The following RBBP4 variants were observed in gnomAD, a reference collection of about 807,000 sequenced individuals.
RBBP4 encodes histone-binding protein RBBP4.
RBBP4 carries 3 observed loss-of-function variants against 57.2 expected under a neutral mutation model. That is an observed-to-expected ratio of 0.05 (90% CI 0.02 to 0.14). RBBP4 has a LOEUF of 0.14. Ranked by LOEUF, RBBP4 falls within the 10% of genes least tolerant of loss-of-function variation. The pLI, the probability that RBBP4 is intolerant of heterozygous loss-of-function variation, is 1.00. For missense variants in RBBP4, 107 were observed against 520.6 expected (o/e 0.21, Z 7.73); for synonymous variants, 151 against 171.5 (o/e 0.88, Z 0.93).
chr1:32,662,227 GTC>G (rs891296081), intron 3 of RBBP4: 5 of 340,888 alleles, frequency 1.5e-5, no homozygotes, highest in East Asian at 2.1e-4. Flanking sequence ...TTAACAAACA[GTC>G]TCTCTCTGTC....
chr1:32,677,298 G>A (rs1212437152), intron 11 of RBBP4, among the ~76,000 whole-genome samples: 2 of 151,950 alleles, frequency 1.3e-5, no homozygotes, highest in African/African-American at 2.4e-5. Context: ...GGGGTTGCAG[G>A]GCCAGAGATT....
chr1:32,683,988 C>G lies in RBBP4; in HGVS notation c.*4283C>G. 6.3e-7 allele frequency: 1 copy of G among 1,595,744 alleles called. No homozygotes were observed. Among genetic ancestry groups the G allele is most frequent in the East Asian group, 2.2e-5 (1 of 44,868 alleles). On this transcript the variant is annotated 3_prime_UTR_variant, in exon 12 of 12. Transcript: ENST00000373493. ...GAAAGCAGTAACAATGCAAACACCA[C>G]TCTTCTCTTCACAAAGATCACCTTG...
At position 32,681,542 on chromosome 1, in the gene RBBP4, C is replaced by T. The variant is rs360510; in HGVS notation, c.*1837C>T. 450,652 of 455,822 alleles carry T rather than the reference C, an allele frequency of 0.99. 222,972 individuals carry two copies. Among genetic ancestry groups the T allele is most frequent in the East Asian group, 1 (27,430 of 27,430 alleles). The allele number at this position is 455,822 out of a possible 1,614,324, so 28.2% of individuals were successfully genotyped here. A position where few individuals can be genotyped will look rare whatever the true frequency, so the allele number is the denominator to read the frequency against. ...CAGATGTGTCCATACATTCATCCTT[C>T]ACTCAGTGCATATGTGAGGGTTGTT... On this transcript the variant is annotated 3_prime_UTR_variant, in exon 12 of 12. Transcript: ENST00000373493.
At chr1:32,668,148 T>C (rs1648734004) in intron 3 of RBBP4, 77 bp from the exon 4 acceptor site, 2 of 1,364,994 alleles carry the variant, frequency 1.5e-6, no homozygotes, top group Admixed American at 2.6e-5. Context: ...AAAAAATCCT[T>C]TCCTGTGTTC....
intron 3 of RBBP4, among the ~76,000 whole-genome samples, chr1:32,666,059 G>A (rs1303670424): frequency 6.6e-6 from 1 of 152,176 alleles, no homozygotes; most frequent in East Asian, 1.9e-4. Context: ...TTTTCATCTA[G>A]TTGTTGCCTA....
Position 32,669,497 on chromosome 1 carries a change from G to A in RBBP4, c.900G>A (p.Leu300=), listed in dbSNP as rs754372389. The part of the protein sequence containing the change: ...ATGSADKTVA[L]WDLRNLKLKL... ...CTTTTTGTACATAGACTGTTGCCTT[G>A]TGGGATCTGAGAAATCTGAAACTTA... The change falls in exon 8 of 12, where the codon TTG becomes TTA. Residue 300 remains leucine (L), a synonymous_variant. Transcript: ENST00000373493. This position sits in a 1 kb window ranked among gnomAD's most constrained non-coding sequence, Gnocchi z 4.9. The A allele has an allele frequency of 6.2e-7, 1 of 1,606,510 alleles. No individual in the cohort carries two copies. Among genetic ancestry groups the A allele is most frequent in the South Asian group, 1.1e-5 (1 of 90,462 alleles).
rs1280697289 is a variant in RBBP4, at chr1:32,682,775, AAAAG to A, written c.*3075_*3078del. ...GGCAGAGCGAGACTGTCTCAAAAAA[AAAAG>A]AAAGTTGTGAATTTGATGTAAGCTT... On this transcript the variant is annotated 3_prime_UTR_variant, in exon 12 of 12. Coordinates refer to ENST00000373493, the MANE Select transcript of RBBP4 (RefSeq NM_005610.3). The A allele has an allele frequency of 1.1e-4, 17 of 152,200 alleles. No individual in the cohort carries two copies. Among genetic ancestry groups the A allele is most frequent in the East Asian group, 3.9e-4 (2 of 5,186 alleles). 9.4% of individuals were successfully genotyped at this position (152,200 alleles called of 1,614,324 possible). A position where few individuals can be genotyped will look rare whatever the true frequency, so the allele number is the denominator to read the frequency against.
intron 2 of RBBP4, among the ~76,000 whole-genome samples, chr1:32,653,637 G>GTTTT (rs1053666893): frequency 1.0e-3 from 21 of 20,778 alleles, no homozygotes; most frequent in Admixed American, 1.8e-3. Context: ...TTGTTTTCTG[G>GTTTT]TTTTTTTTTT....
At position 32,679,739 on chromosome 1, in the gene RBBP4, CT is replaced by C; in HGVS notation, c.*40del. On this transcript the variant is annotated 3_prime_UTR_variant, in exon 12 of 12. Transcript: ENST00000373493. ...TTACTTGTTGTGATTTTAGACTCCC[CT>C]TTTTTCTTCTCAACCCTGAGAGTGA... 6.2e-7 allele frequency: 1 copy of C among 1,611,342 alleles called. No homozygotes were observed. Among genetic ancestry groups the C allele is most frequent in the South Asian group, 1.1e-5 (1 of 90,648 alleles).
intron 3 of RBBP4, among the ~76,000 whole-genome samples, chr1:32,658,661 C>T (rs535364251): frequency 1.3e-5 from 2 of 151,846 alleles, no homozygotes; most frequent in South Asian, 4.2e-4. Flanking sequence ...ATTCTCCTGC[C>T]TCAGCCTCCC....
chr1:32,679,764 G>T lies in RBBP4; in HGVS notation c.*59G>T. ...CTTTTTTCTTCTCAACCCTGAGAGT[G>T]ATTTAACACTGGTTTTGAGACAGAC... On this transcript the variant is annotated 3_prime_UTR_variant, in exon 12 of 12. Transcript: ENST00000373493. The T allele has an allele frequency of 6.2e-7, 1 of 1,603,980 alleles. No individual in the cohort carries two copies. Among genetic ancestry groups the T allele is most frequent in the South Asian group, 1.1e-5 (1 of 89,522 alleles).
chr1:32,659,427 G>A (rs1303650132), intron 3 of RBBP4, among the ~76,000 whole-genome samples: 2 of 151,744 alleles, frequency 1.3e-5, no homozygotes, highest in East Asian at 3.9e-4. Context: ...ATGTGCAGTG[G>A]CACGCACCTG....
chr1:32,668,912 T>C (rs1648760675), intron 5 of RBBP4, 58 bp downstream of exon 5: 1 of 1,612,718 alleles, frequency 6.2e-7, no homozygotes, highest in African/African-American at 1.3e-5. Context: ...GGTTTCTTTT[T>C]TGGGGTGTGT....
chr1:32,668,157 T>G (rs1326959662), intron 3 of RBBP4, 68 bp from the exon 4 acceptor site: 1 of 1,434,586 alleles, frequency 7.0e-7, no homozygotes, highest in South Asian at 1.3e-5. Context: ...TTTCCTGTGT[T>G]CTTATACTCT....
intron 3 of RBBP4, among the ~76,000 whole-genome samples, chr1:32,659,020 T>A (rs1023490681): frequency 1.4e-5 from 2 of 147,344 alleles, no homozygotes; most frequent in Admixed American, 1.4e-4. Flanking sequence ...TATATATAAT[T>A]TTAGATAATA....
chr1:32,668,701 G>A (rs2148526342), intron 4 of RBBP4, 38 bp from the exon 5 acceptor site: 1 of 1,534,118 alleles, frequency 6.5e-7, no homozygotes, highest in East Asian at 2.2e-5. Context: ...CAGAGAGCCA[G>A]TGGACTGGGT....
rs1557845737 is a variant in RBBP4, at chr1:32,651,734, G to A, written c.17-180G>A. The A allele has an allele frequency of 6.0e-6, 5 of 831,642 alleles. No homozygotes were observed. The East Asian group carries it at 1.3e-4, about 22-fold the overall frequency. The allele number at this position is 831,642 out of a possible 1,614,324, so 51.5% of individuals were successfully genotyped here. A position where few individuals can be genotyped will look rare whatever the true frequency, so the allele number is the denominator to read the frequency against. On this transcript the variant is annotated intron_variant, in intron 1 of 11. Transcript: ENST00000373493. ...GGAACGGGTAACGGAGTGTTTGGCG[G>A]GGATGGCCCGAGGAGTTTCGGCGCC...
Position 32,676,612 on chromosome 1 carries a change from CAA to C in RBBP4, c.1213-3013_1213-3012del, listed in dbSNP as rs1229475952. Among the ~76,000 whole-genome samples the C allele has an allele frequency of 9.3e-4, 54 of 57,868 alleles. 1 individual carries two copies. The highest frequency in any genetic ancestry group is 1.2e-3 in the Admixed American group (7 of 6,028). The allele number at this position is 57,868 out of a possible 152,430, so 38.0% of individuals were successfully genotyped here. ...GGGCAACAAGAGCAAAACTCCATCT[CAA>C]AAAAAAAAAAAAAAGAAAAAGAAAA... On this transcript the variant is annotated intron_variant, in intron 11 of 11. Coordinates refer to ENST00000373493, the MANE Select transcript of RBBP4 (RefSeq NM_005610.3).
Position 32,684,351 on chromosome 1 carries a change from C to G in RBBP4, c.*4646C>G, listed in dbSNP as rs767422094. 2.5e-6 allele frequency: 4 copies of G among 1,614,168 alleles called. No homozygotes were observed. Among genetic ancestry groups the G allele is most frequent in the Non-Finnish European group, 3.4e-6 (4 of 1,180,034 alleles). Reference sequence around the variant, plus strand: ...GAGTTGCACCCCATTTCTTAACTGCCTCTGGCGTTCTTCCATTTCCTCCAG... The same window carrying G: ...GAGTTGCACCCCATTTCTTAACTGCGTCTGGCGTTCTTCCATTTCCTCCAG... On this transcript the variant is annotated 3_prime_UTR_variant, in exon 12 of 12. Coordinates refer to ENST00000373493, the MANE Select transcript of RBBP4 (RefSeq NM_005610.3).
Sources: gnomAD v4.1 joint callset for allele counts (sites outside exome capture counted in the v4.1 genomes callset) on GRCh38, gnomAD v4.1.1 for gene constraint, Gnocchi (gnomAD v3.1) non-coding constraint, MANE v1.5 for transcripts, NCBI Gene and HGNC (gene_info 2026-07-23, HGNC 2026-07-21) for gene names.